Variants in RNF43 observed in about 807,000 individuals in gnomAD.
The protein encoded by RNF43 is E3 ubiquitin-protein ligase RNF43.
RNF43 carries 37 observed loss-of-function variants against 78.4 expected under a neutral mutation model. The observed-to-expected ratio is 0.47, with a 90% CI of 0.36 to 0.62. The LOEUF (loss-of-function observed/expected upper bound fraction) is 0.62, where lower values mean the gene tolerates loss of function less well. Among genes scored for constraint, RNF43 ranks in the 20% least tolerant of loss-of-function variants. RNF43 has a pLI of 0.00. For synonymous variants in RNF43, 347 were observed against 395.0 expected (o/e 0.88, Z 1.44); for missense variants, 774 against 1,007.9 (o/e 0.77, Z 3.14).
rs562866551 is a variant in RNF43, at chr17:58,364,915, C to T, written c.376-1315G>A. ...CTCCAGCTCTCTGTTCTCCACTCCC[C>T]AGACAGCAGCAAGGCCCAGGGGGCC... On this transcript the variant is annotated intron_variant, in intron 3 of 9. Coordinates refer to ENST00000407977, the MANE Select transcript of RNF43 (RefSeq NM_017763.6). 5.1e-4 allele frequency among the ~76,000 whole-genome samples: 78 copies of T among 152,358 alleles called. 1 individual carries two copies. Among genetic ancestry groups the T allele is most frequent in the African/African-American group, 1.9e-3 (77 of 41,592 alleles).
At chr17:58,383,844 C>G (rs1475403530) in intron 2 of RNF43, among the ~76,000 whole-genome samples, 1 of 152,182 alleles carries the variant, frequency 6.6e-6, no homozygotes, top group Non-Finnish European at 1.5e-5. Flanking sequence ...TCTCGAACTC[C>G]TGACCTCAAG....
In RNF43 at chr17:58,360,075, A is replaced by G; in HGVS notation, c.952+74T>C. 1 of 1,157,448 alleles carries G rather than the reference A, an allele frequency of 8.6e-7. No homozygotes were observed. Among genetic ancestry groups the G allele is most frequent in the South Asian group, 1.2e-5 (1 of 80,368 alleles). The allele number at this position is 1,157,448 out of a possible 1,614,324, so 71.7% of individuals were successfully genotyped here. On this transcript the variant is annotated intron_variant, in intron 8 of 9. Transcript: ENST00000407977. This position sits in a 1 kb window ranked among gnomAD's most constrained non-coding sequence, Gnocchi z 4.3. ...CTTTCTCCCCAGCTTCAAGGCTGCA[A>G]CCCTTTCCCAAAGGGAAGCCACATT...
rs200662751 is a variant in RNF43, at chr17:58,367,637, C to A, written c.375+3274G>T. The stretch of plus-strand genomic sequence containing the variant: ...AGTTCAGGCATGAGGTGATAAGGCT[C>A]TGGCTTATCACCAGGATGGCTGTGG... On this transcript the variant is annotated intron_variant, in intron 3 of 9. Transcript: ENST00000407977. 3.3e-5 allele frequency among the ~76,000 whole-genome samples: 5 copies of A among 152,326 alleles called. No individual in the cohort carries two copies. The East Asian group carries it at 9.6e-4, about 29-fold the overall frequency.
intron 5 of RNF43, among the ~76,000 whole-genome samples, chr17:58,362,926 T>C (rs930398258): frequency 1.3e-5 from 2 of 152,094 alleles, no homozygotes; most frequent in African/African-American, 4.8e-5. Context: ...AAGGTGGGAG[T>C]TTCTTGCCAG....
intron 2 of RNF43, among the ~76,000 whole-genome samples, chr17:58,385,372 A>G (rs1973409715): frequency 6.6e-6 from 1 of 152,074 alleles, no homozygotes; most frequent in Non-Finnish European, 1.5e-5. Flanking sequence ...TTCTCCCTGC[A>G]CTCCACCCTA....
chr17:58,378,763 G>C (rs1223820510), intron 2 of RNF43, among the ~76,000 whole-genome samples: 1 of 152,120 alleles, frequency 6.6e-6, no homozygotes, highest in African/African-American at 2.4e-5. Flanking sequence ...GTGAGCGAAA[G>C]AGCTGACAAG....
intron 2 of RNF43, among the ~76,000 whole-genome samples, chr17:58,372,635 C>T (rs959100166): frequency 3.3e-5 from 5 of 152,192 alleles, no homozygotes; most frequent in Admixed American, 3.3e-4. Context: ...AGGCTCCTTG[C>T]CTTAAAGCAG....
intron 2 of RNF43, chr17:58,394,880 A>G (rs959206957): frequency 6.6e-6 from 1 of 152,210 alleles, no homozygotes; most frequent in African/African-American, 2.4e-5. Flanking sequence ...GCCCTCTTTC[A>G]TCCTCCCAAC....
chr17:58,363,747 G>T lies in RNF43; in HGVS notation c.376-147C>A. 7.7e-6 allele frequency: 5 copies of T among 650,660 alleles called. No homozygotes were observed. In the South Asian group the frequency reaches 1.0e-4, roughly 13 times the overall value. The allele number at this position is 650,660 out of a possible 1,614,324, so 40.3% of individuals were successfully genotyped here. On this transcript the variant is annotated intron_variant, in intron 3 of 9. Coordinates refer to ENST00000407977, the MANE Select transcript of RNF43 (RefSeq NM_017763.6). Reference sequence around the variant, plus strand: ...ACACTCACATCTACCTATGCAAGGGGTCACTGGGTCTAAGATCTCCTCTTC... The same window carrying T: ...ACACTCACATCTACCTATGCAAGGGTTCACTGGGTCTAAGATCTCCTCTTC...
intron 2 of RNF43, among the ~76,000 whole-genome samples, chr17:58,388,677 A>T (rs1973484830): frequency 6.9e-6 from 1 of 145,922 alleles, no homozygotes; most frequent in African/African-American, 2.6e-5. Flanking sequence ...TTGTGTGGTA[A>T]AGCCAATAGG....
chr17:58,416,142 A>T (rs574092244), intron 1 of RNF43, 180 bp from the exon 2 acceptor site: 14 of 163,762 alleles, frequency 8.5e-5, no homozygotes, highest in African/African-American at 3.3e-4. Context: ...GGAGGAGAAG[A>T]GGGAACAATA....
At position 58,360,634 on chromosome 17, in the gene RNF43, A is replaced by G; in HGVS notation, c.849+149T>C. 1 of 839,488 alleles carries G rather than the reference A, an allele frequency of 1.2e-6. No individual in the cohort carries two copies. Among genetic ancestry groups the G allele is most frequent in the Non-Finnish European group, 1.8e-6 (1 of 558,588 alleles). The allele number at this position is 839,488 out of a possible 1,614,324, so 52.0% of individuals were successfully genotyped here. On this transcript the variant is annotated intron_variant, in intron 7 of 9. Coordinates refer to ENST00000407977, the MANE Select transcript of RNF43 (RefSeq NM_017763.6). This position sits in a 1 kb window ranked among gnomAD's most constrained non-coding sequence, Gnocchi z 4.3. ...AAGGTCAGAAAAGTGACCAAACTTC[A>G]GGCTGGTCCCTGATCTCTGCCTCAT...
chr17:58,373,617 T>C (rs746582664), intron 2 of RNF43, among the ~76,000 whole-genome samples: 5 of 152,238 alleles, frequency 3.3e-5, no homozygotes, highest in Non-Finnish European at 1.5e-5. Flanking sequence ...AATCACATCA[T>C]GGAGAATGGA....
intron 2 of RNF43, among the ~76,000 whole-genome samples, chr17:58,408,448 T>C (rs1256866895): frequency 1.3e-5 from 2 of 152,180 alleles, no homozygotes; most frequent in Admixed American, 6.5e-5. Context: ...GTAAGGTCCT[T>C]TGGATGCACG....
chr17:58,367,957 C>G (rs549028385), intron 3 of RNF43, among the ~76,000 whole-genome samples: 1 of 152,310 alleles, frequency 6.6e-6, no homozygotes, highest in Non-Finnish European at 1.5e-5. Flanking sequence ...TTAAATCCTC[C>G]TAACTACTTA....
intron 2 of RNF43, among the ~76,000 whole-genome samples, chr17:58,415,071 GTCTA>G (rs1218960473): frequency 7.2e-5 from 11 of 152,000 alleles, no homozygotes; most frequent in East Asian, 3.9e-4. Flanking sequence ...GTATTATTAT[GTCTA>G]TCTAAGTAGT....
chr17:58,400,198 A>G (rs1237870637), intron 2 of RNF43, among the ~76,000 whole-genome samples: 2 of 152,186 alleles, frequency 1.3e-5, no homozygotes, highest in Non-Finnish European at 2.9e-5. Context: ...CCCACCCCAG[A>G]ACTCACATAC....
intron 2 of RNF43, among the ~76,000 whole-genome samples, chr17:58,410,040 C>T (rs1424683536): frequency 2.7e-5 from 4 of 150,790 alleles, no homozygotes; most frequent in Admixed American, 1.3e-4. Context: ...GAGAGTCTGC[C>T]AAATGAACAC....
intron 2 of RNF43, among the ~76,000 whole-genome samples, chr17:58,371,974 A>G (rs988496597): frequency 3.3e-5 from 5 of 152,212 alleles, no homozygotes; most frequent in Non-Finnish European, 7.3e-5. Context: ...AATGAGAACA[A>G]AGTATGACTT....
Sources: gnomAD v4.1 joint callset for allele counts (sites outside exome capture counted in the v4.1 genomes callset) on GRCh38, gnomAD v4.1.1 for gene constraint, Gnocchi (gnomAD v3.1) non-coding constraint, MANE v1.5 for transcripts, NCBI Gene and HGNC (gene_info 2026-07-23, HGNC 2026-07-21) for gene names.